Variants in TMEM44 observed in about 807,000 individuals in gnomAD.
The protein encoded by TMEM44 is transmembrane protein 44.
TMEM44 carries 43 observed loss-of-function variants against 47.8 expected under a neutral mutation model. The observed-to-expected ratio is 0.90, with a 90% CI of 0.70 to 1.16. The LOEUF is 1.16. Among genes scored for constraint, TMEM44 ranks in the 50% most tolerant of loss-of-function variants. The probability of loss-of-function intolerance (pLI) is 0.00; values close to 1 mark genes in which losing one functional copy is unlikely to be tolerated. For missense variants in TMEM44, 568 were observed against 555.2 expected (o/e 1.02, Z -0.23); for synonymous variants, 277 against 238.8 (o/e 1.16, Z -1.48).
Position 194,623,279 on chromosome 3 carries a change from C to A in TMEM44, c.557G>T (p.Gly186Val), listed in dbSNP as rs912191740. ...CCAGGAGCCAAAGGCAGCAACGCTA[C>A]CCAGCAGGTAGCCGAGGATCTCAGT... ...ENTEILGYLLGSVAAFGSWAS... is the reference protein window; with the variant it reads ...ENTEILGYLLVSVAAFGSWAS... The change falls in exon 5 of 10, where the codon GGT becomes GTT. Residue 186 changes from glycine (G) to valine (V), a missense_variant. Transcript: ENST00000347147. The A allele has an allele frequency of 3.1e-6, 5 of 1,611,734 alleles. No individual in the cohort carries two copies. The highest frequency in any genetic ancestry group is 4.2e-6 in the Non-Finnish European group (5 of 1,179,060).
chr3:194,610,485 A>G (rs952267672), intron 8 of TMEM44, among the ~76,000 whole-genome samples: 1 of 152,178 alleles, frequency 6.6e-6, no homozygotes, highest in African/African-American at 2.4e-5. Context: ...TTTCTGCACC[A>G]GGAAGAGAGC....
rs2108597700 is a variant in TMEM44 at position 194,623,328 on chromosome 3, T to C, written c.526-18A>G. On this transcript the variant is annotated intron_variant, in intron 4 of 9. Transcript: ENST00000347147. ...GTATTTTCCTGCAAGAACGAACAGG[T>C]GATCCACCATCAGTACTCTGCAGAG... 1 of 1,592,174 alleles carries C rather than the reference T, an allele frequency of 6.3e-7. No individual in the cohort carries two copies. The highest frequency in any genetic ancestry group is 2.3e-5 in the East Asian group (1 of 44,150).
rs191240909 is a variant in TMEM44 at position 194,594,587 on chromosome 3, T to A, written c.1177-5948A>T. Reference sequence around the variant, plus strand: ...AATTAGTGATAATTCCTTAGCATTCTTCATCTAACACTATCCTGCTGAGGG... The same window carrying A: ...AATTAGTGATAATTCCTTAGCATTCATCATCTAACACTATCCTGCTGAGGG... On this transcript the variant is annotated intron_variant, in intron 9 of 9. Coordinates refer to ENST00000347147, the MANE Select transcript of TMEM44 (RefSeq NM_001011655.3). Among the ~76,000 whole-genome samples the A allele has an allele frequency of 7.1e-3, 1,079 of 151,964 alleles. 13 individuals are homozygous for A. Among genetic ancestry groups the A allele is most frequent in the African/African-American group, 0.022 (925 of 41,416 alleles).
rs779393573 is a variant in TMEM44, at chr3:194,628,440, G to A, written c.207C>T (p.Leu69=). 5.6e-6 allele frequency: 9 copies of A among 1,613,502 alleles called. No individual in the cohort carries two copies. Among genetic ancestry groups the A allele is most frequent in the Non-Finnish European group, 7.6e-6 (9 of 1,179,718 alleles). ...CGACGGTGTCACACAGACTGGTCAG[G>A]AGGCAGCACGCAGCACACAGTGCCG... is the stretch of plus-strand genomic sequence containing the variant. ...DQSALCAACC[L]LTSLCDTVGA... Residue 69 remains leucine, a synonymous_variant, in exon 2 of 10, where the codon CTC becomes CTT. Coordinates refer to ENST00000347147, the MANE Select transcript of TMEM44 (RefSeq NM_001011655.3).
At chr3:194,604,223 C>G in intron 9 of TMEM44, 64 bp downstream of exon 9, 1 of 1,539,928 alleles carries the variant, frequency 6.5e-7, no homozygotes, top group Non-Finnish European at 8.8e-7. Context: ...CCCCAAGGAG[C>G]ACCCAGCAAG....
Position 194,633,209 on chromosome 3 carries a change from C to T in TMEM44, c.7G>A (p.Glu3Lys), listed in dbSNP as rs971684682. 2.5e-5 allele frequency: 37 copies of T among 1,462,986 alleles called. No homozygotes were observed. Among genetic ancestry groups the T allele is most frequent in the Non-Finnish European group, 3.2e-5 (35 of 1,105,880 alleles). 90.6% of individuals were successfully genotyped at this position (1,462,986 alleles called of 1,614,324 possible). The change falls in exon 1 of 10, where the codon GAG (glutamate) becomes AAG (lysine). Residue 3 changes from glutamate to lysine, a missense_variant. Physicochemically the swap from Glu to Lys is moderately conservative, Grantham distance 56 (BLOSUM62 1). Coordinates refer to ENST00000347147, the MANE Select transcript of TMEM44 (RefSeq NM_001011655.3). The part of the protein sequence containing the change: MG[E>K]APSPAPALWD... ...AGCGCGGGCGCGGGGCTGGGCGCCT[C>T]CCCCATGGCGCGGCTGGGCGCGCGG... is the stretch of plus-strand genomic sequence containing the variant.
rs377700767 is a variant in TMEM44 at position 194,595,970 on chromosome 3, G to A, written c.1177-7331C>T. ...TGCTATATCTGACAGCCCTCCTCAG[G>A]ATCATGAAAGGCTTCCTGGAGGAAG... On this transcript the variant is annotated intron_variant, in intron 9 of 9. Coordinates refer to ENST00000347147, the MANE Select transcript of TMEM44 (RefSeq NM_001011655.3). Among the ~76,000 whole-genome samples, 34 of 152,224 alleles carry A rather than the reference G, an allele frequency of 2.2e-4. No individual in the cohort carries two copies. The South Asian group carries it at 6.6e-3, about 30-fold the overall frequency.
intron 8 of TMEM44, among the ~76,000 whole-genome samples, chr3:194,609,673 G>A (rs1040759425): frequency 3.3e-5 from 5 of 152,022 alleles, no homozygotes; most frequent in Admixed American, 6.6e-5. Flanking sequence ...CCGGAGCCCT[G>A]CCTCCCTCAC....
chr3:194,628,275 A>T, intron 2 of TMEM44, 108 bp downstream of exon 2: 1 of 1,428,252 alleles, frequency 7.0e-7, no homozygotes, highest in Admixed American at 2.3e-5. Context: ...ACACTGTGCT[A>T]TGCATGTTGC....
intron 8 of TMEM44, among the ~76,000 whole-genome samples, chr3:194,610,025 G>A (rs892988073): frequency 4.6e-5 from 7 of 152,042 alleles, no homozygotes; most frequent in Non-Finnish European, 7.4e-5. Context: ...TCAAGAGATC[G>A]AGACCAGCCT....
rs556845177 is a variant in TMEM44 at position 194,593,380 on chromosome 3, G to T, written c.1177-4741C>A. Reference sequence around the variant, plus strand: ...TAGAAATTATTATTATTATTAGGAGGAGTAGCAGTAATAATAATAAATCTC... The same window carrying T: ...TAGAAATTATTATTATTATTAGGAGTAGTAGCAGTAATAATAATAAATCTC... On this transcript the variant is annotated intron_variant, in intron 9 of 9. Coordinates refer to ENST00000347147, the MANE Select transcript of TMEM44 (RefSeq NM_001011655.3). Among the ~76,000 whole-genome samples the T allele has an allele frequency of 2.6e-5, 4 of 152,182 alleles. No homozygotes were observed. In the East Asian group the frequency reaches 7.7e-4, roughly 29 times the overall value.
At position 194,604,396 on chromosome 3, in the gene TMEM44, C is replaced by T; in HGVS notation, c.1067G>A (p.Gly356Glu). ...RLPGDGQTSA[G>E]DASLQDPPSY... Reference sequence around the variant, plus strand: ...CGGGGGGTCCTGCAGGGACGCATCTCCGGCGCTCGTCTGCCCGTCACCTGG... The same window carrying T: ...CGGGGGGTCCTGCAGGGACGCATCTTCGGCGCTCGTCTGCCCGTCACCTGG... The change falls in exon 9 of 10, where the codon GGA becomes GAA. Residue 356 changes from glycine (G) to glutamate (E), a missense_variant. Transcript: ENST00000347147. The T allele has an allele frequency of 6.5e-7, 1 of 1,544,154 alleles. No individual in the cohort carries two copies.
rs759390287 is a variant in TMEM44, at chr3:194,610,918, G to C, written c.1015C>G (p.Gln339Glu). ...YMELTIEPVQ[Q>E]AGCSATRLPG... ...GGCCATGACCGATGGCCACTCACCT[G>C]CTGCACAGGCTCGATGGTCAGCTCC... The change falls in exon 8 of 10, where the codon CAG (glutamine) becomes GAG (glutamate). Residue 339 changes from glutamine (Q) to glutamate (E), a missense_variant and splice_region_variant. Physicochemically the swap from Gln to Glu is conservative, Grantham distance 29. Coordinates refer to ENST00000347147, the MANE Select transcript of TMEM44 (RefSeq NM_001011655.3). The C allele has an allele frequency of 6.2e-7, 1 of 1,612,966 alleles. No homozygotes were observed. Among genetic ancestry groups the C allele is most frequent in the African/African-American group, 1.3e-5 (1 of 74,902 alleles).
At chr3:194,610,132 T>C (rs1577187755) in intron 8 of TMEM44, among the ~76,000 whole-genome samples, 1 of 151,408 alleles carries the variant, frequency 6.6e-6, no homozygotes, top group Non-Finnish European at 1.5e-5. Flanking sequence ...GAGGCTGAGG[T>C]AGGAGAATCA....
intron 7 of TMEM44, among the ~76,000 whole-genome samples, chr3:194,614,025 G>C (rs35409325): frequency 0.36 from 53,888 of 151,730 alleles, 10,284 homozygotes; most frequent in Non-Finnish European, 0.44. Flanking sequence ...GGGAGGCTGA[G>C]GCAGGAGAAT....
chr3:194,612,442 T>C (rs1715420095), intron 7 of TMEM44, among the ~76,000 whole-genome samples: 1 of 152,120 alleles, frequency 6.6e-6, no homozygotes, highest in African/African-American at 2.4e-5. Context: ...GATCACATGG[T>C]TAAGCCATTT....
At chr3:194,612,405 C>T (rs763690672) in intron 7 of TMEM44, among the ~76,000 whole-genome samples, 4 of 152,204 alleles carry the variant, frequency 2.6e-5, no homozygotes, top group Non-Finnish European at 4.4e-5. Context: ...ACATACACCA[C>T]GATCTTCTAT....
Position 194,588,383 on chromosome 3 carries a change from G to A in TMEM44, c.*146C>T, listed in dbSNP as rs1439755845. Reference sequence around the variant, plus strand: ...CCGTGATGAGCTATGATGTAGCCCAGCCACACTCAGTGACGGCTCCTGGTT... The same window carrying A: ...CCGTGATGAGCTATGATGTAGCCCAACCACACTCAGTGACGGCTCCTGGTT... On this transcript the variant is annotated 3_prime_UTR_variant, in exon 10 of 10. Transcript: ENST00000347147. 6 of 673,530 alleles carry A rather than the reference G, an allele frequency of 8.9e-6. No individual in the cohort carries two copies. In the African/African-American group the frequency reaches 1.1e-4, roughly 12 times the overall value. 41.7% of individuals were successfully genotyped at this position (673,530 alleles called of 1,614,324 possible). A position where few individuals can be genotyped will look rare whatever the true frequency, so the allele number is the denominator to read the frequency against.
chr3:194,591,418 C>A (rs897266350), intron 9 of TMEM44, among the ~76,000 whole-genome samples: 1 of 151,808 alleles, frequency 6.6e-6, no homozygotes, highest in Non-Finnish European at 1.5e-5. Context: ...CGTTTGAACC[C>A]CGGAGGCGGA....
Sources: gnomAD v4.1 joint callset for allele counts (sites outside exome capture counted in the v4.1 genomes callset) on GRCh38, gnomAD v4.1.1 for gene constraint, MANE v1.5 for transcripts, NCBI Gene and HGNC (gene_info 2026-07-23, HGNC 2026-07-21) for gene names.